ZNF723: variants seen among roughly 807,000 people sequenced by gnomAD.
ZNF723 encodes zinc finger protein 723, also known as zinc finger protein 723, pseudogene.
Under a neutral mutation model 9.4 loss-of-function variants are expected in ZNF723, and 5 were observed. The ratio of observed to expected loss-of-function variants is 0.53; its 90% CI spans 0.28 to 1.12. The LOEUF is 1.12. ZNF723 is among the 50% of genes most tolerant of loss of function. The pLI is 0.10. For missense variants in ZNF723, 450 were observed against 501.5 expected, an observed-to-expected ratio of 0.90 and a Z score of 0.98; for synonymous variants, 158 against 168.8, an observed-to-expected ratio of 0.94 and a Z score of 0.49.
chr19:22,848,902 G>A (rs141257973), intron 2 of ZNF723, among the ~76,000 whole-genome samples: 2 of 151,994 alleles, frequency 1.3e-5, no homozygotes, highest in African/African-American at 4.8e-5. Context: ...GTAGAGGCAT[G>A]TGCCACCAAG....
chr19:22,848,183 A>G, intron 1 of ZNF723, 78 bp from the exon 2 acceptor site: 2 of 557,228 alleles, frequency 3.6e-6, no homozygotes, highest in Non-Finnish European at 6.4e-6. Flanking sequence ...CTCTCATTTC[A>G]CCTTCAGTCA....
chr19:22,828,472 G>T (rs746880020), upstream of ZNF723, among the ~76,000 whole-genome samples: 1 of 152,034 alleles, frequency 6.6e-6, no homozygotes, highest in Non-Finnish European at 1.5e-5. Context: ...GGCCAACAAG[G>T]TGAAACCCCA....
chr19:22,820,903 T>C, the ZNF723 span, among the ~76,000 whole-genome samples: 1 of 152,134 alleles, frequency 6.6e-6, no homozygotes, highest in Non-Finnish European at 1.5e-5. Flanking sequence ...ATTGTCACCC[T>C]CCTAAATGGA....
intron 1 of ZNF723, among the ~76,000 whole-genome samples, chr19:22,846,917 C>CT (rs1158157735): frequency 7.8e-6 from 1 of 128,666 alleles, no homozygotes; most frequent in Admixed American, 9.2e-5. Flanking sequence ...CTATAATTTA[C>CT]TTTTTGGGAA....
chr19:22,855,945 A>G (rs2145232611), intron 3 of ZNF723, among the ~76,000 whole-genome samples: 1 of 151,624 alleles, frequency 6.6e-6, no homozygotes, highest in Middle Eastern at 3.4e-3. Context: ...TCTTTCTTTT[A>G]GAATTTTTTT....
intron 3 of ZNF723, among the ~76,000 whole-genome samples, chr19:22,856,800 A>G (rs1195315040): frequency 6.6e-6 from 1 of 152,210 alleles, no homozygotes; most frequent in Non-Finnish European, 1.5e-5. Flanking sequence ...AGAATTCAGG[A>G]GCTTACAATT....
intron 1 of ZNF723, among the ~76,000 whole-genome samples, chr19:22,842,568 A>G (rs1328090532): frequency 6.6e-6 from 1 of 151,820 alleles, no homozygotes; most frequent in Admixed American, 6.6e-5. Flanking sequence ...ATGACAGGCA[A>G]CTTGAAGGTT....
chr19:22,827,226 G>C, the ZNF723 span, among the ~76,000 whole-genome samples: 1 of 151,630 alleles, frequency 6.6e-6, no homozygotes, highest in Non-Finnish European at 1.5e-5. Context: ...TGGATAAACA[G>C]AGAACTACTT....
At chr19:22,851,407 G>C (rs1047330884) in intron 3 of ZNF723, among the ~76,000 whole-genome samples, 7 of 152,080 alleles carry the variant, frequency 4.6e-5, no homozygotes, top group African/African-American at 1.7e-4. Context: ...CCTGATGTCA[G>C]GTGATCTGCC....
At chr19:22,850,625 A>G (rs1967381988) in intron 3 of ZNF723, among the ~76,000 whole-genome samples, 1 of 151,706 alleles carries the variant, frequency 6.6e-6, no homozygotes, top group Non-Finnish European at 1.5e-5. Context: ...CAGCTTCCCC[A>G]GTAGCTGGGA....
intron 1 of ZNF723, among the ~76,000 whole-genome samples, chr19:22,846,337 T>C (rs992784218): frequency 2.0e-5 from 3 of 152,144 alleles, no homozygotes; most frequent in African/African-American, 7.2e-5. Flanking sequence ...TTAAACAAGA[T>C]GACGGCCAGG....
chr19:22,828,498 C>A (rs1388784251), upstream of ZNF723, among the ~76,000 whole-genome samples: 1 of 151,852 alleles, frequency 6.6e-6, no homozygotes, highest in Non-Finnish European at 1.5e-5. Context: ...ACTAAAAATA[C>A]AAAAATTAGC....
the ZNF723 span, among the ~76,000 whole-genome samples, chr19:22,812,278 C>G: frequency 1.3e-5 from 2 of 152,150 alleles, no homozygotes; most frequent in African/African-American, 2.4e-5. Context: ...GCCAACATGA[C>G]ATTTCTTGTG....
chr19:22,856,703 T>C (rs1354072623), intron 3 of ZNF723, among the ~76,000 whole-genome samples: 1 of 152,170 alleles, frequency 6.6e-6, no homozygotes, highest in African/African-American at 2.4e-5. Context: ...CTTTATGTCA[T>C]TGGAAACAGA....
At position 22,857,116 on chromosome 19, in the gene ZNF723, A is replaced by T. The variant is rs1280935399; in HGVS notation, c.227-2A>T. 2 of 927,070 alleles carry T rather than the reference A, an allele frequency of 2.2e-6. No individual in the cohort carries two copies. The highest frequency in any genetic ancestry group is 3.2e-6 in the Non-Finnish European group (2 of 621,334). 57.4% of individuals were successfully genotyped at this position (927,070 alleles called of 1,614,324 possible). A position where few individuals can be genotyped will look rare whatever the true frequency, so the allele number is the denominator to read the frequency against. On this transcript the variant is annotated splice_acceptor_variant, in intron 3 of 3. Coordinates refer to ENST00000600766, the MANE Select transcript of ZNF723 (RefSeq NM_001349726.2). LOFTEE classifies it high-confidence loss of function. ...GTAATTTGTTATTTCTATTTTTTTCAGTTGTGTGTTCTCATTTTGCCCAAG... is the reference window on the plus strand; with the variant it reads ...GTAATTTGTTATTTCTATTTTTTTCTGTTGTGTGTTCTCATTTTGCCCAAG...
upstream of ZNF723, among the ~76,000 whole-genome samples, chr19:22,828,633 C>G (rs1967062185): frequency 6.6e-6 from 1 of 151,964 alleles, no homozygotes; most frequent in African/African-American, 2.4e-5. Context: ...AGCCTGGTGA[C>G]AGAGCGAGAC....
At chr19:22,831,886 CGA>C (rs200399156), upstream of ZNF723, among the ~76,000 whole-genome samples, 3,177 of 150,534 alleles carry the variant, frequency 0.021, 51 homozygotes, top group South Asian at 0.033. Flanking sequence ...CCATCCTGGG[CGA>C]CAAGAGCGAG....
chr19:22,837,544 G>A (rs924055845), intron 1 of ZNF723, among the ~76,000 whole-genome samples: 1 of 152,164 alleles, frequency 6.6e-6, no homozygotes, highest in African/African-American at 2.4e-5. Context: ...ATAAAACTCT[G>A]GGCGTGTGGG....
chr19:22,828,846 T>C (rs1344210936), upstream of ZNF723, among the ~76,000 whole-genome samples: 1 of 152,070 alleles, frequency 6.6e-6, no homozygotes, highest in Admixed American at 6.6e-5. Context: ...ACAGCAGATT[T>C]CAACACAAGG....
Sources: allele counts gnomAD v4.1 joint callset (sites outside exome capture counted in the v4.1 genomes callset), GRCh38; gene constraint gnomAD v4.1.1; transcripts MANE v1.5; gene names NCBI Gene and HGNC (gene_info 2026-07-23, HGNC 2026-07-21).